Variants in LRP1B observed in about 807,000 individuals in gnomAD.
LRP1B encodes LDL receptor related protein 1B.
LRP1B carries 217 observed loss-of-function variants against 556.6 expected under a neutral mutation model. That is an observed-to-expected ratio of 0.39 (90% CI 0.35 to 0.44). The LOEUF (loss-of-function observed/expected upper bound fraction) is 0.44. Ranked by LOEUF, LRP1B falls within the 20% of genes least tolerant of loss-of-function variation. LRP1B has a pLI of 1.00. For synonymous variants in LRP1B, 2,047 were observed against 1,865.8 expected (o/e 1.10, Z -2.50); for missense variants, 5,053 against 5,620.8 (o/e 0.90, Z 3.23).
intron 84 of LRP1B, among the ~76,000 whole-genome samples, chr2:140,280,704 T>G (rs1401726780): frequency 6.6e-6 from 1 of 151,806 alleles, no homozygotes; most frequent in Non-Finnish European, 1.5e-5. Context: ...CTAAACTTAT[T>G]ACTACCCAAA....
At chr2:141,202,729 G>A (rs1682089394) in intron 6 of LRP1B, among the ~76,000 whole-genome samples, 1 of 122,554 alleles carries the variant, frequency 8.2e-6, no homozygotes, top group Non-Finnish European at 1.8e-5. Context: ...AGAAATGTCT[G>A]TTCATGTTTT....
intron 2 of LRP1B, among the ~76,000 whole-genome samples, chr2:141,492,928 C>T (rs553470691): frequency 3.3e-5 from 5 of 152,144 alleles, no homozygotes; most frequent in African/African-American, 7.2e-5. Context: ...ACTCTGAAAA[C>T]GATTTTATGA....
intron 66 of LRP1B, among the ~76,000 whole-genome samples, chr2:140,428,765 C>T (rs1033704504): frequency 3.9e-5 from 6 of 152,150 alleles, no homozygotes. Context: ...TTTCCCTTGC[C>T]TCCATAACTG....
At chr2:140,743,429 A>G (rs1439715522) in intron 35 of LRP1B, among the ~76,000 whole-genome samples, 1 of 152,176 alleles carries the variant, frequency 6.6e-6, no homozygotes, top group African/African-American at 2.4e-5. Flanking sequence ...TCAGAATTGC[A>G]TGCATTCAAA....
intron 87 of LRP1B, 64 bp downstream of exon 87, chr2:140,247,022 T>A: frequency 8.6e-7 from 1 of 1,168,598 alleles, no homozygotes; most frequent in Non-Finnish European, 1.3e-6. Flanking sequence ...TCTCACTCAA[T>A]AATGACATAA....
At chr2:141,984,665 T>G (rs929788034) in intron 1 of LRP1B, among the ~76,000 whole-genome samples, 1 of 152,140 alleles carries the variant, frequency 6.6e-6, no homozygotes, top group East Asian at 1.9e-4. Flanking sequence ...TCATTAAGGT[T>G]TTCTTAGTTA....
chr2:141,075,982 T>C (rs999724689), intron 7 of LRP1B, among the ~76,000 whole-genome samples: 25 of 152,204 alleles, frequency 1.6e-4, no homozygotes, highest in Admixed American at 7.9e-4. Flanking sequence ...AATCATAGGA[T>C]TATACAGATT....
chr2:140,405,959 C>A (rs1164913050), intron 66 of LRP1B, among the ~76,000 whole-genome samples: 1 of 151,972 alleles, frequency 6.6e-6, no homozygotes, highest in Non-Finnish European at 1.5e-5. Flanking sequence ...ACCAGATAAT[C>A]GAATCCAATA....
chr2:141,495,301 A>T (rs1277252441), intron 2 of LRP1B, among the ~76,000 whole-genome samples: 5 of 152,008 alleles, frequency 3.3e-5, no homozygotes, highest in Non-Finnish European at 2.9e-5. Context: ...ATTTGCAAAG[A>T]AAGTCATTGA....
chr2:140,646,228 A>G (rs1361729983), intron 41 of LRP1B, among the ~76,000 whole-genome samples: 3 of 152,176 alleles, frequency 2.0e-5, no homozygotes, highest in Non-Finnish European at 4.4e-5. Context: ...CAGGACAGGG[A>G]TTTAAGCTCA....
At chr2:141,241,881 G>A (rs977920635) in intron 5 of LRP1B, among the ~76,000 whole-genome samples, 7 of 151,512 alleles carry the variant, frequency 4.6e-5, no homozygotes, top group African/African-American at 7.3e-5. Context: ...TTGAAGTTAC[G>A]GCTCAATGAA....
At chr2:140,526,795 TA>T (rs1163715396) in intron 47 of LRP1B, among the ~76,000 whole-genome samples, 1 of 151,418 alleles carries the variant, frequency 6.6e-6, no homozygotes, top group Non-Finnish European at 1.5e-5. Flanking sequence ...ATTAAATGCC[TA>T]CTGGGAAATC....
At chr2:140,327,324 A>T (rs539283810) in intron 79 of LRP1B, among the ~76,000 whole-genome samples, 1 of 152,256 alleles carries the variant, frequency 6.6e-6, no homozygotes, top group South Asian at 2.1e-4. Context: ...TATTTAGCTC[A>T]CATGTAATCG....
At chr2:141,397,298 T>A (rs1307261359) in intron 3 of LRP1B, among the ~76,000 whole-genome samples, 1 of 151,792 alleles carries the variant, frequency 6.6e-6, no homozygotes, top group Non-Finnish European at 1.5e-5. Context: ...CTTTCGTAGA[T>A]ATTTCCCTCA....
At chr2:140,366,488 A>G (rs1476990933) in intron 71 of LRP1B, among the ~76,000 whole-genome samples, 1 of 151,668 alleles carries the variant, frequency 6.6e-6, no homozygotes, top group Non-Finnish European at 1.5e-5. Context: ...TTGAGCTGTA[A>G]ATGTGCATCT....
intron 2 of LRP1B, among the ~76,000 whole-genome samples, chr2:141,788,409 A>C (rs1010782025): frequency 6.6e-6 from 1 of 152,044 alleles, no homozygotes; most frequent in East Asian, 1.9e-4. Flanking sequence ...TATTTACCAT[A>C]TATGAACAAT....
chr2:142,026,739 C>G (rs1574608693), intron 1 of LRP1B, among the ~76,000 whole-genome samples: 1 of 152,094 alleles, frequency 6.6e-6, no homozygotes, highest in Admixed American at 6.6e-5. Flanking sequence ...CCAGACTTAT[C>G]TTAAATAATG....
chr2:141,708,922 A>G lies in LRP1B; in HGVS notation c.205+101357T>C, dbSNP rs144191326. Among the ~76,000 whole-genome samples the G allele has an allele frequency of 1.9e-3, 290 of 152,264 alleles. 2 individuals are homozygous for G. Among genetic ancestry groups the G allele is most frequent in the African/African-American group, 6.4e-3 (266 of 41,568 alleles). ...AAACCTGCTAATACCTTGATCTTGG[A>G]CTTCCAGCCCCTAGACTTGTGAGAG... On this transcript the variant is annotated intron_variant, in intron 2 of 90. Coordinates refer to ENST00000389484, the MANE Select transcript of LRP1B (RefSeq NM_018557.3).
chr2:140,836,389 T>C (rs1428797957), intron 31 of LRP1B, among the ~76,000 whole-genome samples: 2 of 152,210 alleles, frequency 1.3e-5, no homozygotes, highest in Non-Finnish European at 2.9e-5. Flanking sequence ...AACATTTTTT[T>C]CCCAACCATG....
Sources: allele counts gnomAD v4.1 joint callset (sites outside exome capture counted in the v4.1 genomes callset), GRCh38; gene constraint gnomAD v4.1.1; transcripts MANE v1.5; gene names NCBI Gene and HGNC (gene_info 2026-07-23, HGNC 2026-07-21).